The following CHRNA7 variants were observed in gnomAD, a reference collection of about 807,000 sequenced individuals.
CHRNA7 encodes the protein neuronal acetylcholine receptor subunit alpha-7.
A neutral mutation model predicts 48.0 loss-of-function variants in CHRNA7; 17 were observed. The observed-to-expected ratio is 0.35, with a 90% CI of 0.24 to 0.53. CHRNA7 has a LOEUF of 0.53. CHRNA7 is among the 20% of genes least tolerant of loss of function. The pLI is 0.92. For missense variants in CHRNA7, 155 were observed against 577.7 expected (o/e 0.27, Z 7.50); for synonymous variants, 75 against 242.3 (o/e 0.31, Z 6.41).
Position 32,049,025 on chromosome 15 carries a change from G to GTCTGAAAGACAGTTTGTTATACTT in CHRNA7, c.195+17992_195+17993insAAAGACAGTTTGTTATACTTTCTG, listed in dbSNP as rs1457140245. Among the ~76,000 whole-genome samples the GTCTGAAAGACAGTTTGTTATACTT allele has an allele frequency of 3.9e-5, 4 of 102,038 alleles. 1 individual carries two copies. The highest frequency in any genetic ancestry group is 1.1e-3 in the East Asian group (2 of 1,800). The allele number at this position is 102,038 out of a possible 152,430, so 66.9% of individuals were successfully genotyped here. On this transcript the variant is annotated intron_variant, in intron 2 of 9. Coordinates refer to ENST00000306901, the MANE Select transcript of CHRNA7 (RefSeq NM_000746.6). Reference sequence around the variant, plus strand: ...TGAGTTCTAGTTTGATTGCACTGTGGTCTGTTCTTTTACATTTGCTGAGGA... The same window carrying GTCTGAAAGACAGTTTGTTATACTT: ...TGAGTTCTAGTTTGATTGCACTGTGGTCTGAAAGACAGTTTGTTATACTTTCTGTTCTTTTACATTTGCTGAGGA...
rs372352354 is a variant in CHRNA7, at chr15:32,111,701, C to G, written c.241-89C>G. On this transcript the variant is annotated intron_variant, in intron 3 of 9. Coordinates refer to ENST00000306901, the MANE Select transcript of CHRNA7 (RefSeq NM_000746.6). ...AGTTATAATAAATGTCTGGAATTCT[C>G]TTTGGTTTTGCACTTACCTAATAAT... The G allele has an allele frequency of 1.1e-3, 766 of 711,268 alleles. 10 individuals are homozygous for G. In the South Asian group the frequency reaches 0.013, roughly 12 times the overall value. 44.1% of individuals were successfully genotyped at this position (711,268 alleles called of 1,614,324 possible).
At chr15:32,031,738 A>G (rs560458463) in intron 2 of CHRNA7, among the ~76,000 whole-genome samples, 1 of 152,378 alleles carries the variant, frequency 6.6e-6, no homozygotes, top group African/African-American at 2.4e-5. Flanking sequence ...CAATCTGTGT[A>G]AACTTGCCTA....
rs146076928 is a variant in CHRNA7, at chr15:32,167,520, T to G, written c.991-420T>G. ...ATGTACAACCTCCCCCAGGCACTCT[T>G]TGCGAATTTGCAGTGGCCTTCCAGG... On this transcript the variant is annotated intron_variant, in intron 9 of 9. Coordinates refer to ENST00000306901, the MANE Select transcript of CHRNA7 (RefSeq NM_000746.6). The G allele has an allele frequency of 2.9e-3, 571 of 199,262 alleles. 4 individuals are homozygous for G. The highest frequency in any genetic ancestry group is 0.016 in the African/African-American group (546 of 34,804). 12.3% of individuals were successfully genotyped at this position (199,262 alleles called of 1,614,324 possible). A position where few individuals can be genotyped will look rare whatever the true frequency, so the allele number is the denominator to read the frequency against.
At chr15:32,072,286 A>T (rs2050070285) in intron 2 of CHRNA7, among the ~76,000 whole-genome samples, 1 of 152,226 alleles carries the variant, frequency 6.6e-6, no homozygotes, top group East Asian at 1.9e-4. Context: ...TTAAGAGGTG[A>T]CATGGCTGCT....
intron 4 of CHRNA7, among the ~76,000 whole-genome samples, chr15:32,123,662 C>A (rs998388340): frequency 6.6e-6 from 1 of 152,132 alleles, no homozygotes; most frequent in African/African-American, 2.4e-5. Flanking sequence ...CCAGTTGCAC[C>A]TGCATAAACA....
intron 2 of CHRNA7, among the ~76,000 whole-genome samples, chr15:32,076,809 G>A (rs558017909): frequency 6.6e-6 from 1 of 152,206 alleles, no homozygotes; most frequent in East Asian, 1.9e-4. Context: ...GTTTACATTA[G>A]TGTTTGTTCT....
At chr15:32,080,416 C>G (rs2050198240) in intron 2 of CHRNA7, among the ~76,000 whole-genome samples, 1 of 151,972 alleles carries the variant, frequency 6.6e-6, no homozygotes, top group South Asian at 2.1e-4. Context: ...GTCTAATATC[C>G]AGAATCTACA....
chr15:32,142,244 C>T (rs977605249), intron 4 of CHRNA7, among the ~76,000 whole-genome samples: 1 of 152,154 alleles, frequency 6.6e-6, no homozygotes, highest in Non-Finnish European at 1.5e-5. Flanking sequence ...ATATATTGAA[C>T]CAGCCTTGCA....
chr15:32,108,385 A>T (rs992243617), intron 3 of CHRNA7, among the ~76,000 whole-genome samples: 1 of 152,224 alleles, frequency 6.6e-6, no homozygotes, highest in Non-Finnish European at 1.5e-5. Flanking sequence ...AGGTTCATTG[A>T]CGCTTCTTTT....
At chr15:32,051,365 C>T (rs1429777835) in intron 2 of CHRNA7, among the ~76,000 whole-genome samples, 3 of 152,192 alleles carry the variant, frequency 2.0e-5, no homozygotes, top group South Asian at 4.1e-4. Context: ...GGGCGCCCCT[C>T]CCCCAGCCTT....
In CHRNA7 at chr15:32,030,604, T is replaced by G. The variant is rs1178888978; in HGVS notation, c.10T>G (p.Ser4Ala). 6.4e-7 allele frequency: 1 copy of G among 1,556,420 alleles called. No homozygotes were observed. The change falls in exon 1 of 10, where the codon TCG (serine) becomes GCG (alanine). Residue 4 changes from serine (S) to alanine (A), a missense_variant. Physicochemically the swap from Ser to Ala is moderately conservative, Grantham distance 99. Coordinates refer to ENST00000306901, the MANE Select transcript of CHRNA7 (RefSeq NM_000746.6). MRC[S>A]PGGVWLALAA... The stretch of plus-strand genomic sequence containing the variant: ...AGCTCCGGGACTCAACATGCGCTGC[T>G]CGCCGGGAGGCGTCTGGCTGGCGCT...
chr15:32,136,284 A>G (rs540514918), intron 4 of CHRNA7, among the ~76,000 whole-genome samples: 1 of 152,322 alleles, frequency 6.6e-6, no homozygotes, highest in Non-Finnish European at 1.5e-5. Context: ...TGAGGTCAGG[A>G]GTTCGAGACC....
Position 32,149,124 on chromosome 15 carries a change from G to A in CHRNA7, c.351-4783G>A, listed in dbSNP as rs1325974355. On this transcript the variant is annotated intron_variant, in intron 4 of 9. Transcript: ENST00000306901. The surrounding 1 kb of genome is among the most constrained non-coding windows in gnomAD (Gnocchi z 4.6). ...AGGCAGCTCCTGCAAGGACGGAGAGGCCACAGGCCGGCATCTTCACAAACT... is the reference window on the plus strand; with the variant it reads ...AGGCAGCTCCTGCAAGGACGGAGAGACCACAGGCCGGCATCTTCACAAACT... 6.6e-6 allele frequency among the ~76,000 whole-genome samples: 1 copy of A among 152,220 alleles called. No homozygotes were observed. The highest frequency in any genetic ancestry group is 1.5e-5 in the Non-Finnish European group (1 of 68,036).
At chr15:32,079,961 C>T (rs956525319) in intron 2 of CHRNA7, among the ~76,000 whole-genome samples, 5 of 152,068 alleles carry the variant, frequency 3.3e-5, no homozygotes, top group African/African-American at 1.2e-4. Context: ...ACACATAGAC[C>T]AATGGAACAG....
chr15:32,064,640 TTTCTC>T (rs1314908606), intron 2 of CHRNA7, among the ~76,000 whole-genome samples: 1 of 152,134 alleles, frequency 6.6e-6, no homozygotes, highest in Admixed American at 6.5e-5. Flanking sequence ...GATTAGGTCT[TTTCTC>T]TTCATTGGAT....
chr15:32,151,186 T>C (rs1250905129), intron 4 of CHRNA7, among the ~76,000 whole-genome samples: 2 of 152,144 alleles, frequency 1.3e-5, no homozygotes, highest in Non-Finnish European at 2.9e-5. Flanking sequence ...CTTAATCAAG[T>C]CCATGATGTT....
At chr15:32,057,705 G>A (rs1285045560) in intron 2 of CHRNA7, among the ~76,000 whole-genome samples, 3 of 152,042 alleles carry the variant, frequency 2.0e-5, no homozygotes, top group Non-Finnish European at 4.4e-5. Context: ...GAATCATTTA[G>A]GACAATATTT....
intron 2 of CHRNA7, among the ~76,000 whole-genome samples, chr15:32,040,940 A>G (rs2049437594): frequency 6.6e-6 from 1 of 152,008 alleles, no homozygotes; most frequent in Non-Finnish European, 1.5e-5. Flanking sequence ...CAATAATTCT[A>G]GATTTGTGAC....
In CHRNA7 at chr15:32,113,052, T is replaced by C. The variant is rs570340435; in HGVS notation, c.350+1153T>C. Among the ~76,000 whole-genome samples, 464 of 152,310 alleles carry C rather than the reference T, an allele frequency of 3.0e-3. 3 individuals are homozygous for C. Among genetic ancestry groups the C allele is most frequent in the Middle Eastern group, 6.8e-3 (2 of 294 alleles). ...TTCCATGCCTGGACTTTGGGTCTTC[T>C]GTTTCTTGGGGGGCTGTATTAGTTT... On this transcript the variant is annotated intron_variant, in intron 4 of 9. Coordinates refer to ENST00000306901, the MANE Select transcript of CHRNA7 (RefSeq NM_000746.6).
Sources: allele counts gnomAD v4.1 joint callset (sites outside exome capture counted in the v4.1 genomes callset), GRCh38; gene constraint gnomAD v4.1.1; non-coding constraint Gnocchi (gnomAD v3.1); transcripts MANE v1.5; gene names NCBI Gene and HGNC (gene_info 2026-07-23, HGNC 2026-07-21).